C16orf74: variants seen among roughly 807,000 people sequenced by gnomAD.
The protein encoded by C16orf74 is uncharacterized protein C16orf74.
A neutral mutation model predicts 6.5 loss-of-function variants in C16orf74; 10 were observed. The ratio of observed to expected loss-of-function variants is 1.54; its 90% CI spans 0.95 to 2.61. The LOEUF is 2.61. Among genes scored for constraint, C16orf74 ranks in the 30% most tolerant of loss-of-function variants. The pLI, the probability that C16orf74 is intolerant of heterozygous loss-of-function variation, is 0.00. For missense variants in C16orf74, 141 were observed against 105.9 expected (o/e 1.33, Z -1.45); for synonymous variants, 60 against 42.5 (o/e 1.41, Z -1.60).
chr16:85,723,059 G>C (rs1426102764), intron 2 of C16orf74, among the ~76,000 whole-genome samples: 1 of 151,720 alleles, frequency 6.6e-6, no homozygotes, highest in East Asian at 1.9e-4. Context: ...AGGAATTGAA[G>C]ACCAGCCTGG....
intron 2 of C16orf74, among the ~76,000 whole-genome samples, chr16:85,718,512 C>T (rs55785961): frequency 0.19 from 29,340 of 152,172 alleles, 3,415 homozygotes; most frequent in Middle Eastern, 0.26. Flanking sequence ...GACGGCCAGA[C>T]GGCCCACCTG....
At chr16:85,745,556 G>A (rs1598811424) in intron 1 of C16orf74, among the ~76,000 whole-genome samples, 1 of 151,998 alleles carries the variant, frequency 6.6e-6, no homozygotes. Context: ...CCTGCTGGCT[G>A]GAGGGACCCT....
chr16:85,717,926 C>T (rs2054041303), intron 2 of C16orf74, among the ~76,000 whole-genome samples: 1 of 152,212 alleles, frequency 6.6e-6, no homozygotes, highest in Non-Finnish European at 1.5e-5. Flanking sequence ...CATCCAGGCT[C>T]TGTGGAGGAT....
intron 2 of C16orf74, among the ~76,000 whole-genome samples, chr16:85,732,339 G>T (rs138267917): frequency 3.0e-4 from 45 of 152,298 alleles, no homozygotes; most frequent in Middle Eastern, 3.4e-3. Flanking sequence ...CCATGTTACA[G>T]AGTTCCTGGC....
At chr16:85,714,190 A>G (rs1045869151) in intron 2 of C16orf74, among the ~76,000 whole-genome samples, 2 of 152,058 alleles carry the variant, frequency 1.3e-5, no homozygotes, top group African/African-American at 2.4e-5. Flanking sequence ...AGAGACGGCC[A>G]CGGTCCCTGG....
chr16:85,708,395 G>T (rs2053934818), intron 3 of C16orf74, among the ~76,000 whole-genome samples: 1 of 152,316 alleles, frequency 6.6e-6, no homozygotes. Context: ...GAGGACACAG[G>T]CTCAGAGAGG....
chr16:85,710,374 C>T (rs1464545486), intron 2 of C16orf74, 67 bp from the exon 3 acceptor site: 23 of 1,402,382 alleles, frequency 1.6e-5, no homozygotes, highest in African/African-American at 3.1e-5. Flanking sequence ...CAGTGGCCGC[C>T]GGGAACCGCG....
intron 1 of C16orf74, among the ~76,000 whole-genome samples, chr16:85,738,788 C>G (rs2054272308): frequency 1.3e-5 from 2 of 152,074 alleles, no homozygotes; most frequent in African/African-American, 4.8e-5. Flanking sequence ...TCCTGGCACT[C>G]ACCATGGGCC....
intron 1 of C16orf74, among the ~76,000 whole-genome samples, chr16:85,742,823 G>A (rs543389778): frequency 3.3e-5 from 5 of 152,198 alleles, no homozygotes; most frequent in South Asian, 2.1e-4. Context: ...TTACAGGCGT[G>A]AGCCACGGTG....
chr16:85,720,533 C>T (rs537881633), intron 2 of C16orf74, among the ~76,000 whole-genome samples: 1 of 152,206 alleles, frequency 6.6e-6, no homozygotes, highest in Non-Finnish European at 1.5e-5. Context: ...TTTGGAAGGA[C>T]AAGGACAAAG....
intron 2 of C16orf74, among the ~76,000 whole-genome samples, chr16:85,720,656 G>A (rs1017483746): frequency 2.6e-5 from 4 of 151,470 alleles, no homozygotes; most frequent in Non-Finnish European, 5.9e-5. Context: ...TGCACCTGTA[G>A]TCCCAGCTAC....
chr16:85,713,477 T>G (rs1232388777), intron 2 of C16orf74, among the ~76,000 whole-genome samples: 1 of 152,206 alleles, frequency 6.6e-6, no homozygotes, highest in Non-Finnish European at 1.5e-5. Context: ...CTCACCATGT[T>G]GGCCAGGCTG....
chr16:85,742,098 C>A (rs118159029), intron 1 of C16orf74, among the ~76,000 whole-genome samples: 1 of 152,110 alleles, frequency 6.6e-6, no homozygotes, highest in Non-Finnish European at 1.5e-5. Flanking sequence ...GGTGGCTGGG[C>A]GTGGTGGCTC....
chr16:85,747,939 T>C (rs902721975), intron 1 of C16orf74, among the ~76,000 whole-genome samples: 17 of 151,044 alleles, frequency 1.1e-4, no homozygotes, highest in African/African-American at 4.1e-4. Flanking sequence ...TACAAAAAAA[T>C]TAGCCAGGTG....
intron 2 of C16orf74, among the ~76,000 whole-genome samples, chr16:85,716,697 G>C (rs2054027814): frequency 6.6e-6 from 1 of 150,376 alleles, no homozygotes; most frequent in African/African-American, 2.5e-5. Flanking sequence ...GCGAGAGGGA[G>C]GAGGAAGGGA....
At chr16:85,712,672 G>T (rs9921905) in intron 2 of C16orf74, among the ~76,000 whole-genome samples, 1 of 152,228 alleles carries the variant, frequency 6.6e-6, no homozygotes. Context: ...GAAAGCAGTA[G>T]GCACACTGGC....
intron 2 of C16orf74, among the ~76,000 whole-genome samples, chr16:85,717,211 G>A (rs2152059089): frequency 6.6e-6 from 1 of 152,350 alleles, no homozygotes; most frequent in African/African-American, 2.4e-5. Context: ...TGCTGGCATG[G>A]CGAGGTTGGA....
intron 2 of C16orf74, among the ~76,000 whole-genome samples, chr16:85,726,105 C>A (rs191259091): frequency 8.5e-5 from 13 of 152,262 alleles, no homozygotes; most frequent in Non-Finnish European, 1.6e-4. Flanking sequence ...ACTCCAGTGT[C>A]GGCACCACAG....
intron 2 of C16orf74, among the ~76,000 whole-genome samples, chr16:85,728,913 C>T (rs1440047621): frequency 6.6e-6 from 1 of 152,190 alleles, no homozygotes; most frequent in Non-Finnish European, 1.5e-5. Context: ...CCACTGGAAT[C>T]CCCCCGGAGG....
Sources: gnomAD v4.1 joint callset for allele counts (sites outside exome capture counted in the v4.1 genomes callset) on GRCh38, gnomAD v4.1.1 for gene constraint, MANE v1.5 for transcripts, NCBI Gene and HGNC (gene_info 2026-07-23, HGNC 2026-07-21) for gene names.